Variants in WNK2 observed in about 807,000 individuals in gnomAD.
The protein encoded by WNK2 is serine/threonine-protein kinase WNK2.
A neutral mutation model predicts 192.1 loss-of-function variants in WNK2; 67 were observed. That is an observed-to-expected ratio of 0.35 (90% CI 0.29 to 0.43). The LOEUF (loss-of-function observed/expected upper bound fraction) is 0.43. Ranked by LOEUF, WNK2 falls within the 20% of genes least tolerant of loss-of-function variation. The pLI is 1.00. For synonymous variants in WNK2, 1,439 were observed against 1,393.9 expected (o/e 1.03, Z -0.72); for missense variants, 2,698 against 3,089.7 (o/e 0.87, Z 3.01).
intron 2 of WNK2, among the ~76,000 whole-genome samples, chr9:93,209,712 G>A (rs1419133924): frequency 6.6e-6 from 1 of 152,222 alleles, no homozygotes; most frequent in African/African-American, 2.4e-5. Flanking sequence ...GCCTGCTGGT[G>A]GCACTGGCTG....
chr9:93,198,989 C>A (rs759034564), intron 2 of WNK2, among the ~76,000 whole-genome samples: 1 of 152,192 alleles, frequency 6.6e-6, no homozygotes, highest in African/African-American at 2.4e-5. Context: ...TGGCTCGGTT[C>A]GGGGTGGGTG....
At chr9:93,238,186 C>T (rs1242985288) in intron 5 of WNK2, 47 bp from the exon 6 acceptor site, 39 of 1,592,260 alleles carry the variant, frequency 2.4e-5, no homozygotes, top group Non-Finnish European at 3.4e-5. Flanking sequence ...GAGGCCTCGC[C>T]TTCCGGCAGC....
At chr9:93,198,914 C>T (rs1025323558) in intron 2 of WNK2, among the ~76,000 whole-genome samples, 1 of 152,176 alleles carries the variant, frequency 6.6e-6, no homozygotes, top group Non-Finnish European at 1.5e-5. Flanking sequence ...TTGGTGCAGT[C>T]TCGAGCTCGG....
chr9:93,306,467 TC>T lies in WNK2; in HGVS notation c.6215-309del, dbSNP rs772597942. 4.5e-3 allele frequency among the ~76,000 whole-genome samples: 687 copies of T among 152,008 alleles called. 2 individuals are homozygous for T. The highest frequency in any genetic ancestry group is 8.1e-3 in the Non-Finnish European group (550 of 67,934). On this transcript the variant is annotated intron_variant, in intron 26 of 29. Coordinates refer to ENST00000427277, the MANE Select transcript of WNK2 (RefSeq NM_006648.4). ...AGCCAAGCGGTGTGCTTTGCTTTTT[TC>T]TTTTTTCTTTTCTTTTTTCTTTCTC... is the stretch of plus-strand genomic sequence containing the variant.
intron 2 of WNK2, among the ~76,000 whole-genome samples, chr9:93,204,790 G>A (rs140392361): frequency 1.3e-5 from 2 of 152,278 alleles, no homozygotes; most frequent in Non-Finnish European, 2.9e-5. Flanking sequence ...GATGCCCGAG[G>A]ACACCAGGGA....
At chr9:93,184,893 G>A (rs1829007864) in intron 1 of WNK2, 35 bp from the exon 2 acceptor site, 1 of 1,220,134 alleles carries the variant, frequency 8.2e-7, no homozygotes, top group African/African-American at 1.6e-5. Flanking sequence ...GGCAGGGCCG[G>A]CGCTCACGCG....
intron 2 of WNK2, among the ~76,000 whole-genome samples, chr9:93,192,567 G>A (rs1830529207): frequency 6.6e-6 from 1 of 152,014 alleles, no homozygotes; most frequent in South Asian, 2.1e-4. Flanking sequence ...GCAGGGATGG[G>A]CCAGGACTGT....
At chr9:93,207,867 G>A (rs755529332) in intron 2 of WNK2, among the ~76,000 whole-genome samples, 2 of 152,198 alleles carry the variant, frequency 1.3e-5, no homozygotes, top group African/African-American at 2.4e-5. Context: ...CTGTGGGTTC[G>A]GAGAGAACAC....
chr9:93,213,142 G>A (rs761028456), intron 2 of WNK2, among the ~76,000 whole-genome samples: 3 of 152,138 alleles, frequency 2.0e-5, no homozygotes, highest in Non-Finnish European at 2.9e-5. Context: ...TATAAGAGCC[G>A]TCTTCCCAGA....
chr9:93,224,285 T>A (rs552111065), intron 2 of WNK2, among the ~76,000 whole-genome samples: 20 of 152,206 alleles, frequency 1.3e-4, no homozygotes, highest in South Asian at 2.1e-4. Context: ...GAATCCCAAG[T>A]GTGCCCCTAG....
intron 19 of WNK2, among the ~76,000 whole-genome samples, chr9:93,269,495 T>C (rs1845717924): frequency 6.6e-6 from 1 of 152,196 alleles, no homozygotes; most frequent in African/African-American, 2.4e-5. Flanking sequence ...GTCAGCCTAA[T>C]AACGAAATCC....
chr9:93,249,996 C>T (rs1302722549), intron 8 of WNK2, among the ~76,000 whole-genome samples: 1 of 146,990 alleles, frequency 6.8e-6, no homozygotes, highest in African/African-American at 2.5e-5. Context: ...TCCCTGCAAC[C>T]TCTGCCTCCT....
At chr9:93,285,421 C>T (rs1028900825) in intron 19 of WNK2, among the ~76,000 whole-genome samples, 2 of 152,288 alleles carry the variant, frequency 1.3e-5, no homozygotes, top group South Asian at 2.1e-4. Flanking sequence ...CTGCAGTTAT[C>T]TTTCTGTATA....
chr9:93,263,445 C>T (rs1389484427), intron 14 of WNK2, 121 bp from the exon 15 acceptor site: 20 of 1,301,804 alleles, frequency 1.5e-5, no homozygotes, highest in Non-Finnish European at 1.9e-5. Context: ...CGGGCTGCCT[C>T]TGTAGGTCAC....
chr9:93,271,100 A>G (rs1400692754), intron 19 of WNK2, among the ~76,000 whole-genome samples: 4 of 152,186 alleles, frequency 2.6e-5, no homozygotes, highest in African/African-American at 9.7e-5. Context: ...AATAGCATAT[A>G]AGAAACTTGG....
intron 18 of WNK2, 114 bp from the exon 19 acceptor site, chr9:93,268,513 G>T: frequency 6.8e-7 from 1 of 1,476,084 alleles, no homozygotes; most frequent in Non-Finnish European, 9.2e-7. Flanking sequence ...AAATCCCATA[G>T]GTGTAAAGGA....
At chr9:93,318,660 A>T in intron 29 of WNK2, 1 of 1,524,812 alleles carries the variant, frequency 6.6e-7, no homozygotes, top group Non-Finnish European at 8.8e-7. Context: ...TCTCCTGCCC[A>T]CTTCCCTCCC....
chr9:93,256,649 GTGTGTT>G (rs1843345459), intron 10 of WNK2, 195 bp downstream of exon 10: 7 of 703,718 alleles, frequency 9.9e-6, no homozygotes, highest in East Asian at 5.7e-5. Context: ...ACGTGTGTGT[GTGTGTT>G]TGTGTGCGTG....
At position 93,269,133 on chromosome 9, in the gene WNK2, G is replaced by A. The variant is rs143373724; in HGVS notation, c.4033+387G>A. Among the ~76,000 whole-genome samples the A allele has an allele frequency of 6.2e-3, 949 of 152,108 alleles. 9 individuals are homozygous for A. Among genetic ancestry groups the A allele is most frequent in the African/African-American group, 0.022 (895 of 41,468 alleles). On this transcript the variant is annotated intron_variant, in intron 19 of 29. Coordinates refer to ENST00000427277, the MANE Select transcript of WNK2 (RefSeq NM_006648.4). ...CTGCTGGTTCTGCTTGCTTTGGGGG[G>A]TGGGGTGGGAAAGTCCCTGTTGGTG...
Sources: gnomAD v4.1 joint callset for allele counts (sites outside exome capture counted in the v4.1 genomes callset) on GRCh38, gnomAD v4.1.1 for gene constraint, MANE v1.5 for transcripts, NCBI Gene and HGNC (gene_info 2026-07-23, HGNC 2026-07-21) for gene names.